TTC39A: variants seen among roughly 807,000 people sequenced by gnomAD.
TTC39A encodes the protein tetratricopeptide repeat protein 39A.
A neutral mutation model predicts 82.3 loss-of-function variants in TTC39A; 46 were observed. The observed-to-expected ratio is 0.56, with a 90% CI of 0.44 to 0.71. The LOEUF (loss-of-function observed/expected upper bound fraction) is 0.71, where lower values mean the gene tolerates loss of function less well. Among genes scored for constraint, TTC39A ranks in the 30% least tolerant of loss-of-function variants. The probability of loss-of-function intolerance (pLI) is 0.00; values close to 1 mark genes in which losing one functional copy is unlikely to be tolerated. For missense variants in TTC39A, 543 were observed against 712.9 expected (o/e 0.76, Z 2.71); for synonymous variants, 254 against 275.2 (o/e 0.92, Z 0.76).
Position 51,287,625 on chromosome 1 carries a change from C to G in TTC39A, c.*532G>C, listed in dbSNP as rs72904276. The G allele has an allele frequency of 7.1e-5, 11 of 154,806 alleles. No homozygotes were observed. Among genetic ancestry groups the G allele is most frequent in the Admixed American group, 1.9e-4 (3 of 15,938 alleles). The allele number at this position is 154,806 out of a possible 1,614,324, so 9.6% of individuals were successfully genotyped here. On this transcript the variant is annotated 3_prime_UTR_variant, in exon 18 of 18. Coordinates refer to ENST00000680483, the MANE Select transcript of TTC39A (RefSeq NM_001297663.2). ...GGGTGTCTGTGTACATCCTCATGCC[C>G]AACCCCAGAAGCATTGAAGCCTGAG...
Position 51,321,849 on chromosome 1 carries a change from G to T in TTC39A, c.42-24C>A. 2 of 1,597,142 alleles carry T rather than the reference G, an allele frequency of 1.3e-6. No individual in the cohort carries two copies. Among genetic ancestry groups the T allele is most frequent in the South Asian group, 1.1e-5 (1 of 89,224 alleles). ...TCCTGGGGGAAGAGATGCGGGGCAT[G>T]ACACAGGGGCCCTCCAACCCTCCAG... On this transcript the variant is annotated intron_variant, in intron 1 of 17. Transcript: ENST00000680483. The surrounding 1 kb of genome is among the most constrained non-coding windows in gnomAD (Gnocchi z 4.6).
chr1:51,303,449 CT>C (rs1644755460), intron 8 of TTC39A, among the ~76,000 whole-genome samples: 1 of 152,240 alleles, frequency 6.6e-6, no homozygotes. Flanking sequence ...TCCACAGCCC[CT>C]TCCCCAGCCT....
intron 2 of TTC39A, among the ~76,000 whole-genome samples, chr1:51,313,977 G>A (rs549709424): frequency 2.6e-5 from 4 of 152,212 alleles, no homozygotes; most frequent in Admixed American, 2.0e-4. Context: ...ACTGAGGCAC[G>A]GGCCACGCTG....
intron 13 of TTC39A, 99 bp downstream of exon 13, chr1:51,295,980 T>G (rs1644403733): frequency 5.1e-6 from 7 of 1,370,294 alleles, no homozygotes; most frequent in Non-Finnish European, 7.1e-6. Context: ...TACTCCTCCC[T>G]CCCCAGTGCC....
At position 51,320,190 on chromosome 1, in the gene TTC39A, AT is replaced by A. The variant is rs139630520; in HGVS notation, c.146+1530del. 5.8e-3 allele frequency among the ~76,000 whole-genome samples: 889 copies of A among 152,282 alleles called. 27 individuals are homozygous for A. The East Asian group carries it at 0.066, about 11-fold the overall frequency. ...GAGTGCTTACTTGATAGGTTTCAGCATTTTGGGAAAAACTCAACGATAGGAT... is the reference window on the plus strand; with the variant it reads ...GAGTGCTTACTTGATAGGTTTCAGCATTTGGGAAAAACTCAACGATAGGAT... On this transcript the variant is annotated intron_variant, in intron 2 of 17. Transcript: ENST00000680483.
rs764054135 is a variant in TTC39A, at chr1:51,290,541, C to G, written c.1351G>C (p.Ala451Pro). The part of the protein sequence containing the change: ...TDGILEIITK[A>P]EEMLEKGPEN... Reference sequence around the variant, plus strand: ...GGGCCTTTCTCCAGCATCTCTTCAGCCTTAGTGATAATCTCAAGTATCCCA... The same window carrying G: ...GGGCCTTTCTCCAGCATCTCTTCAGGCTTAGTGATAATCTCAAGTATCCCA... Residue 451 changes from alanine to proline, a missense_variant, in exon 15 of 18, where the codon GCT (alanine) becomes CCT (proline). Ala to Pro is a conservative substitution (Grantham distance 27, BLOSUM62 -1). Transcript: ENST00000680483. 8.7e-6 allele frequency: 14 copies of G among 1,613,846 alleles called. No individual in the cohort carries two copies. The highest frequency in any genetic ancestry group is 1.1e-5 in the Non-Finnish European group (13 of 1,179,876).
chr1:51,330,630 G>A (rs1161016472), upstream of TTC39A: 2 of 983,356 alleles, frequency 2.0e-6, no homozygotes, highest in Non-Finnish European at 2.4e-6. The surrounding 1 kb of genome is among the most constrained non-coding windows in gnomAD (Gnocchi z 4.5). Flanking sequence ...GCCGGGCCGA[G>A]CCTCGGTCTC....
At chr1:51,317,955 T>G (rs964100871) in intron 2 of TTC39A, among the ~76,000 whole-genome samples, 1 of 152,070 alleles carries the variant, frequency 6.6e-6, no homozygotes, top group African/African-American at 2.4e-5. Context: ...TAGAATGCCC[T>G]CCTGAGGTGA....
chr1:51,310,098 T>A (rs1645029472), intron 5 of TTC39A, among the ~76,000 whole-genome samples: 1 of 151,984 alleles, frequency 6.6e-6, no homozygotes, highest in Non-Finnish European at 1.5e-5. Flanking sequence ...AACCCCCATC[T>A]CTACTAAAAA....
At chr1:51,311,387 C>G in intron 4 of TTC39A, 66 bp from the exon 5 acceptor site, 1 of 1,450,008 alleles carries the variant, frequency 6.9e-7, no homozygotes, top group South Asian at 1.3e-5. Context: ...GGGACAAATC[C>G]TCACACCCCA....
In TTC39A at chr1:51,288,120, C is replaced by T. The variant is rs781008045; in HGVS notation, c.*37G>A. On this transcript the variant is annotated 3_prime_UTR_variant, in exon 18 of 18. Transcript: ENST00000680483. This position sits in a 1 kb window ranked among gnomAD's most constrained non-coding sequence, Gnocchi z 4.8. Reference sequence around the variant, plus strand: ...AAATGTTTTCAGGAGCTCTGTCCAGCTGTCTCTGTCTTCCAGCCCGGAACT... The same window carrying T: ...AAATGTTTTCAGGAGCTCTGTCCAGTTGTCTCTGTCTTCCAGCCCGGAACT... The T allele has an allele frequency of 6.2e-7, 1 of 1,613,004 alleles. No homozygotes were observed. Among genetic ancestry groups the T allele is most frequent in the South Asian group, 1.1e-5 (1 of 91,010 alleles).
At position 51,330,385 on chromosome 1, in the gene TTC39A, G is replaced by A. The variant is rs1026538972; in HGVS notation, c.41+52C>T. Reference sequence around the variant, plus strand: ...CTGGCGCGGCGCCCGCCACCTGCCCGGGCCCCAGCCCGCGCCGCCCGCGCC... The same window carrying A: ...CTGGCGCGGCGCCCGCCACCTGCCCAGGCCCCAGCCCGCGCCGCCCGCGCC... On this transcript the variant is annotated intron_variant, in intron 1 of 17. Transcript: ENST00000680483. The surrounding 1 kb of genome is among the most constrained non-coding windows in gnomAD (Gnocchi z 4.5). 2 of 966,494 alleles carry A rather than the reference G, an allele frequency of 2.1e-6. No homozygotes were observed. The highest frequency in any genetic ancestry group is 3.6e-5 in the African/African-American group (2 of 55,264). 59.9% of individuals were successfully genotyped at this position (966,494 alleles called of 1,614,324 possible).
intron 1 of TTC39A, among the ~76,000 whole-genome samples, chr1:51,341,790 C>G (rs1164212996): frequency 6.6e-6 from 1 of 152,236 alleles, no homozygotes; most frequent in Admixed American, 6.5e-5. Context: ...ATCTGAGAAT[C>G]ACAGAGGTCA....
chr1:51,292,918 G>A (rs1644276654), intron 14 of TTC39A, among the ~76,000 whole-genome samples: 1 of 152,152 alleles, frequency 6.6e-6, no homozygotes, highest in South Asian at 2.1e-4. Flanking sequence ...TTTCCCAAAT[G>A]TATTTAATCA....
At chr1:51,315,465 G>A (rs1264849404) in intron 2 of TTC39A, among the ~76,000 whole-genome samples, 1 of 152,136 alleles carries the variant, frequency 6.6e-6, no homozygotes, top group Non-Finnish European at 1.5e-5. Context: ...ACCTTCTTGG[G>A]CCCAGACCGG....
At chr1:51,343,418 C>T (rs1646060996) in intron 1 of TTC39A, among the ~76,000 whole-genome samples, 1 of 152,236 alleles carries the variant, frequency 6.6e-6, no homozygotes, top group African/African-American at 2.4e-5. Flanking sequence ...GGCCAGCCTG[C>T]TTCCTGGGTC....
In TTC39A at chr1:51,288,973, T is replaced by C; in HGVS notation, c.1494-18A>G. The C allele has an allele frequency of 6.4e-7, 1 of 1,570,436 alleles. No homozygotes were observed. Among genetic ancestry groups the C allele is most frequent in the Non-Finnish European group, 8.7e-7 (1 of 1,155,738 alleles). ...TCTTTTCACTGCAGAACAGAGGACA[T>C]GGCTCAGGTTCCTCCTCCTGAGCCT... is the stretch of plus-strand genomic sequence containing the variant. On this transcript the variant is annotated intron_variant, in intron 16 of 17. Coordinates refer to ENST00000680483, the MANE Select transcript of TTC39A (RefSeq NM_001297663.2). The surrounding 1 kb of genome is among the most constrained non-coding windows in gnomAD (Gnocchi z 4.8).
chr1:51,320,890 T>G (rs1057291007), intron 2 of TTC39A, among the ~76,000 whole-genome samples: 1 of 150,292 alleles, frequency 6.7e-6, no homozygotes, highest in South Asian at 2.1e-4. Flanking sequence ...TTTTTTTTTT[T>G]GAGACAGAGT....
chr1:51,305,596 A>G, intron 7 of TTC39A: 1 of 320,316 alleles, frequency 3.1e-6, no homozygotes, highest in South Asian at 3.5e-5. Flanking sequence ...CCTCTAAGTC[A>G]TCAGCTGGTT....
Sources: allele counts gnomAD v4.1 joint callset (sites outside exome capture counted in the v4.1 genomes callset), GRCh38; gene constraint gnomAD v4.1.1; non-coding constraint Gnocchi (gnomAD v3.1); transcripts MANE v1.5; gene names NCBI Gene and HGNC (gene_info 2026-07-23, HGNC 2026-07-21).